The following ZC3H3 variants were observed in gnomAD, a reference collection of about 807,000 sequenced individuals.
ZC3H3 encodes the protein zinc finger CCCH domain-containing protein 3.
ZC3H3 carries 36 observed loss-of-function variants against 77.3 expected under a neutral mutation model. The ratio of observed to expected loss-of-function variants is 0.47; its 90% confidence interval spans 0.36 to 0.61. The LOEUF (loss-of-function observed/expected upper bound fraction) is 0.61, where lower values mean the gene tolerates loss of function less well. ZC3H3 is among the 20% of genes least tolerant of loss of function. The pLI is 0.00. For synonymous variants in ZC3H3, 626 were observed against 555.2 expected (o/e 1.13, Z -1.79); for missense variants, 1,331 against 1,312.2 (o/e 1.01, Z -0.22).
intron 3 of ZC3H3, among the ~76,000 whole-genome samples, chr8:143,516,969 C>T (rs1174059994): frequency 6.6e-6 from 1 of 152,208 alleles, no homozygotes; most frequent in Non-Finnish European, 1.5e-5. Flanking sequence ...CTGTCCCCCC[C>T]GTGTGGGATC....
chr8:143,538,035 G>A lies in ZC3H3; in HGVS notation c.1332C>T (p.Arg444=). 1 of 1,611,294 alleles carries A rather than the reference G, an allele frequency of 6.2e-7. No homozygotes were observed. Among genetic ancestry groups the A allele is most frequent in the Non-Finnish European group, 8.5e-7 (1 of 1,179,042 alleles). The change falls in exon 2 of 12, where the codon CGC becomes CGT. Residue 444 remains arginine (R), a synonymous_variant. Coordinates refer to ENST00000262577, the MANE Select transcript of ZC3H3 (RefSeq NM_015117.3). ...TPLSAYKVKS[R]TKIIRRRSST... ...TGCTGCGTCTCCGGATGATCTTGGT[G>A]CGGCTCTTCACTTTGTAAGCCGAGA...
rs563412311 is a variant in ZC3H3 at position 143,489,139 on chromosome 8, TTG to T, written c.1716-13556_1716-13555del. ...AGGTGGGGCCTGGGTGGGGATCAGCTTGTGTCTACCTGGCCAAATGTCATTGC... is the reference window on the plus strand; with the variant it reads ...AGGTGGGGCCTGGGTGGGGATCAGCTTGTCTACCTGGCCAAATGTCATTGC... On this transcript the variant is annotated intron_variant, in intron 4 of 11. Transcript: ENST00000262577. 1.6e-3 allele frequency among the ~76,000 whole-genome samples: 250 copies of T among 152,336 alleles called. 2 individuals carry two copies. Among genetic ancestry groups the T allele is most frequent in the African/African-American group, 5.7e-3 (238 of 41,582 alleles).
At position 143,441,004 on chromosome 8, in the gene ZC3H3, G is replaced by A; in HGVS notation, c.2424C>T (p.Ala808=). The A allele has an allele frequency of 2.0e-6, 3 of 1,473,014 alleles. No individual in the cohort carries two copies. The highest frequency in any genetic ancestry group is 2.7e-6 in the Non-Finnish European group (3 of 1,119,518). 91.2% of individuals were successfully genotyped at this position (1,473,014 alleles called of 1,614,324 possible). A position where few individuals can be genotyped will look rare whatever the true frequency, so the allele number is the denominator to read the frequency against. ...CGCTGGGCCCTGGGGCGGGGGACGT[G>A]GCTGCCCGCCGACTGTGGCGTTTCT... ...RTQKRHSRRA[A]TSPAPGPSDA... The change falls in exon 10 of 12, where the codon GCC becomes GCT. Residue 808 remains alanine, a synonymous_variant. Transcript: ENST00000262577.
intron 4 of ZC3H3, among the ~76,000 whole-genome samples, chr8:143,485,119 A>G (rs75072288): frequency 0.029 from 4,426 of 152,322 alleles, 209 homozygotes; most frequent in African/African-American, 0.099. Context: ...AACTGAGGAA[A>G]AATTCTACAG....
chr8:143,447,726 C>T (rs1010350122), intron 9 of ZC3H3, among the ~76,000 whole-genome samples: 2 of 152,112 alleles, frequency 1.3e-5, no homozygotes, highest in Non-Finnish European at 1.5e-5. Context: ...TTCACACGGC[C>T]GAGCAGGAGG....
chr8:143,455,876 G>A (rs577474595), intron 9 of ZC3H3, among the ~76,000 whole-genome samples: 39 of 150,836 alleles, frequency 2.6e-4, no homozygotes, highest in African/African-American at 9.3e-4. Context: ...AGGAAGCTGA[G>A]GCAGAAGAAT....
chr8:143,474,261 GCA>G (rs142415935), intron 5 of ZC3H3, among the ~76,000 whole-genome samples: 2,748 of 150,910 alleles, frequency 0.018, 62 homozygotes, highest in African/African-American at 0.061. Flanking sequence ...TGAGTGGGAG[GCA>G]CACACAGGGG....
At chr8:143,489,720 G>A (rs750268393) in intron 4 of ZC3H3, among the ~76,000 whole-genome samples, 9 of 152,192 alleles carry the variant, frequency 5.9e-5, no homozygotes, top group South Asian at 4.1e-4. Context: ...ATTTTCTGGC[G>A]TCAGGCGGTG....
At chr8:143,474,202 G>A (rs1167595945) in intron 5 of ZC3H3, among the ~76,000 whole-genome samples, 3 of 152,154 alleles carry the variant, frequency 2.0e-5, no homozygotes, top group Admixed American at 6.5e-5. Flanking sequence ...ACACACAGGG[G>A]TGACACAGTG....
chr8:143,442,042 T>C (rs1223012583), intron 9 of ZC3H3, among the ~76,000 whole-genome samples: 1 of 152,108 alleles, frequency 6.6e-6, no homozygotes, highest in African/African-American at 2.4e-5. Context: ...TGCCACAGCC[T>C]TGAACCCACA....
rs550576565 is a variant in ZC3H3, at chr8:143,473,719, G to A, written c.1903+1679C>T. Among the ~76,000 whole-genome samples the A allele has an allele frequency of 2.6e-5, 4 of 152,322 alleles. No homozygotes were observed. The South Asian group carries it at 8.3e-4, about 32-fold the overall frequency. Reference sequence around the variant, plus strand: ...GGCATGAGCAGAGAGGCACCTCATGGCTTTGTCCCTGGGGGTCAAGCACGA... The same window carrying A: ...GGCATGAGCAGAGAGGCACCTCATGACTTTGTCCCTGGGGGTCAAGCACGA... On this transcript the variant is annotated intron_variant, in intron 5 of 11. Coordinates refer to ENST00000262577, the MANE Select transcript of ZC3H3 (RefSeq NM_015117.3).
In ZC3H3 at chr8:143,507,878, C is replaced by A. The variant is rs370653805; in HGVS notation, c.1583G>T (p.Arg528Leu). ...GATCACCTTGCTGGTGGGTGCAGTCCGCACGGCATGCAGGCTGGACGCTGT... is the reference window on the plus strand; with the variant it reads ...GATCACCTTGCTGGTGGGTGCAGTCAGCACGGCATGCAGGCTGGACGCTGT... Reference protein sequence around the residue: ...TKEASSLHAVRTAPTSKVIKT... With the variant: ...TKEASSLHAVLTAPTSKVIKT... Residue 528 changes from arginine to leucine, a missense_variant, in exon 4 of 12, where the codon CGG becomes CTG. Arg to Leu is a moderately radical substitution (Grantham distance 102). Transcript: ENST00000262577. The A allele has an allele frequency of 1.9e-6, 3 of 1,603,642 alleles. No individual in the cohort carries two copies. The South Asian group carries it at 3.3e-5, about 18-fold the overall frequency.
intron 10 of ZC3H3, 134 bp from the exon 11 acceptor site, chr8:143,440,497 T>C: frequency 7.1e-7 from 1 of 1,416,014 alleles, no homozygotes; most frequent in Non-Finnish European, 9.2e-7. Context: ...GAGGCACAGG[T>C]CAGGCCTGGC....
chr8:143,444,731 G>T (rs1396416687), intron 9 of ZC3H3, among the ~76,000 whole-genome samples: 1 of 152,166 alleles, frequency 6.6e-6, no homozygotes, highest in African/African-American at 2.4e-5. Flanking sequence ...GAAATACAGG[G>T]TTTCGTAAAA....
intron 9 of ZC3H3, among the ~76,000 whole-genome samples, chr8:143,448,455 A>G (rs1040222472): frequency 3.9e-5 from 6 of 152,270 alleles, no homozygotes; most frequent in African/African-American, 1.4e-4. Context: ...AGAAAGGGGT[A>G]CAGGCCTTAT....
At chr8:143,471,727 G>A (rs2129889988) in intron 5 of ZC3H3, among the ~76,000 whole-genome samples, 1 of 152,332 alleles carries the variant, frequency 6.6e-6, no homozygotes, top group African/African-American at 2.4e-5. Flanking sequence ...CAGGGGCCCA[G>A]AGCCCAGGGG....
chr8:143,439,895 A>C, intron 11 of ZC3H3, 146 bp downstream of exon 11: 3 of 187,072 alleles, frequency 1.6e-5, no homozygotes, highest in East Asian at 1.3e-4. Flanking sequence ...TTGGTGAGGG[A>C]GGCCCTGGGG....
At chr8:143,518,001 G>A (rs1168650496) in intron 3 of ZC3H3, among the ~76,000 whole-genome samples, 2 of 152,178 alleles carry the variant, frequency 1.3e-5, no homozygotes, top group Non-Finnish European at 2.9e-5. Flanking sequence ...TGGCCACCAC[G>A]TCTCAGGGTA....
chr8:143,520,041 C>T (rs976645794), intron 3 of ZC3H3, among the ~76,000 whole-genome samples: 1 of 152,198 alleles, frequency 6.6e-6, no homozygotes, highest in Admixed American at 6.5e-5. Flanking sequence ...CCTTCCCACA[C>T]GAAGGCACAA....
Sources: allele counts gnomAD v4.1 joint callset (sites outside exome capture counted in the v4.1 genomes callset), GRCh38; gene constraint gnomAD v4.1.1; transcripts MANE v1.5; gene names NCBI Gene and HGNC (gene_info 2026-07-23, HGNC 2026-07-21).